TSPEAR: variants seen among roughly 807,000 people sequenced by gnomAD.
TSPEAR encodes the protein thrombospondin type laminin G domain and EAR repeats, also known as thrombospondin-type laminin G domain and EAR repeat-containing protein.
A neutral mutation model predicts 71.6 loss-of-function variants in TSPEAR; 69 were observed. The ratio of observed to expected loss-of-function variants is 0.96; its 90% CI spans 0.79 to 1.18. The LOEUF is 1.18. TSPEAR is among the 50% of genes most tolerant of loss of function. The pLI, the probability that TSPEAR is intolerant of heterozygous loss-of-function variation, is 0.00. For missense variants in TSPEAR, 971 were observed against 894.9 expected, an observed-to-expected ratio of 1.09 and a Z score of -1.09; for synonymous variants, 402 against 387.2, an observed-to-expected ratio of 1.04 and a Z score of -0.45.
At chr21:44,618,930 G>A (rs1411947785) in intron 1 of TSPEAR, among the ~76,000 whole-genome samples, 2 of 152,208 alleles carry the variant, frequency 1.3e-5, no homozygotes, top group Non-Finnish European at 2.9e-5. Context: ...CATGCTTTGA[G>A]GAATAAGGGA....
chr21:44,513,654 G>T (rs974202811), intron 9 of TSPEAR, among the ~76,000 whole-genome samples: 1 of 152,212 alleles, frequency 6.6e-6, no homozygotes, highest in Non-Finnish European at 1.5e-5. Context: ...CAGCTCCCTC[G>T]AGGGCGGGTG....
intron 7 of TSPEAR, among the ~76,000 whole-genome samples, chr21:44,526,990 C>T (rs938289529): frequency 5.3e-5 from 8 of 152,224 alleles, no homozygotes; most frequent in Admixed American, 2.0e-4. Context: ...TCTTGACCAG[C>T]TCATGTAAAC....
intron 3 of TSPEAR, 71 bp from the exon 4 acceptor site, chr21:44,531,204 G>T: frequency 8.0e-7 from 1 of 1,252,020 alleles, no homozygotes; most frequent in South Asian, 1.3e-5. Flanking sequence ...AGAAGGAACA[G>T]GAACAAGCCC....
intron 2 of TSPEAR, among the ~76,000 whole-genome samples, chr21:44,555,563 G>A (rs1442611313): frequency 6.6e-6 from 1 of 152,210 alleles, no homozygotes; most frequent in Non-Finnish European, 1.5e-5. Flanking sequence ...GCTGGCCAAG[G>A]GCTGTGGGAG....
intron 9 of TSPEAR, 95 bp downstream of exon 9, chr21:44,521,788 G>A (rs1162371576): frequency 1.8e-5 from 22 of 1,231,348 alleles, no homozygotes; most frequent in East Asian, 4.8e-5. Context: ...TTTGGCTCTC[G>A]GTGGACCCCC....
intron 2 of TSPEAR, among the ~76,000 whole-genome samples, chr21:44,540,773 A>G (rs2053207161): frequency 6.6e-6 from 1 of 152,218 alleles, no homozygotes; most frequent in African/African-American, 2.4e-5. Flanking sequence ...GGAGCAAGGA[A>G]GGAGAGGCCA....
chr21:44,506,414 G>T lies in TSPEAR; in HGVS notation c.1755-1533C>A, dbSNP rs1388182164. 3.9e-5 allele frequency among the ~76,000 whole-genome samples: 6 copies of T among 152,276 alleles called. No individual in the cohort carries two copies. Among genetic ancestry groups the T allele is most frequent in the Non-Finnish European group, 8.8e-5 (6 of 68,042 alleles). ...TTCAGCAGCCTCAGGGCTGTGGCCAGTTCAGGCAGCAGAGGGGCCTCATCC... is the reference window on the plus strand; with the variant it reads ...TTCAGCAGCCTCAGGGCTGTGGCCATTTCAGGCAGCAGAGGGGCCTCATCC... On this transcript the variant is annotated intron_variant, in intron 10 of 11. Transcript: ENST00000323084. The surrounding 1 kb of genome is among the most constrained non-coding windows in gnomAD (Gnocchi z 4.2).
rs1294778409 is a variant in TSPEAR at position 44,599,168 on chromosome 21, C to CAA, written c.83-31164_83-31163insTT. Among the ~76,000 whole-genome samples, 689 of 138,126 alleles carry CAA rather than the reference C, an allele frequency of 5.0e-3. 9 individuals are homozygous for CAA. The highest frequency in any genetic ancestry group is 0.025 in the East Asian group (119 of 4,674). The allele number at this position is 138,126 out of a possible 152,430, so 90.6% of individuals were successfully genotyped here. A position where few individuals can be genotyped will look rare whatever the true frequency, so the allele number is the denominator to read the frequency against. Reference sequence around the variant, plus strand: ...TCTCTCTCTCTCTCTCTCTCTCTCTCTCTCCTTCCATCCCATAGGACCAGA... The same window carrying CAA: ...TCTCTCTCTCTCTCTCTCTCTCTCTCAATCTCCTTCCATCCCATAGGACCAGA... On this transcript the variant is annotated intron_variant, in intron 1 of 11. Transcript: ENST00000323084.
chr21:44,707,418 A>G (rs1276033666), intron 1 of TSPEAR, among the ~76,000 whole-genome samples: 2 of 152,204 alleles, frequency 1.3e-5, no homozygotes, highest in Non-Finnish European at 2.9e-5. Context: ...AGGGGCGTTC[A>G]GATGGGAACC....
intron 1 of TSPEAR, among the ~76,000 whole-genome samples, chr21:44,681,263 C>G (rs1331856364): frequency 6.6e-6 from 1 of 152,262 alleles, no homozygotes; most frequent in Non-Finnish European, 1.5e-5. Context: ...AAAGCCCGAT[C>G]CTCAGTGCTC....
rs146257403 is a variant in TSPEAR, at chr21:44,533,863, G to A, written c.364C>T (p.Arg122Trp). Residue 122 changes from arginine (R) to tryptophan (W), a missense_variant, in exon 3 of 12, where the codon CGG (arginine) becomes TGG (tryptophan). Transcript: ENST00000323084. ...AAGTGCAGCTGGGCAGGTGACAACC[G>A]CAGGCCGAGCAGCAGCAGGTCGCTC... ...EESDLLLLGL[R>W]LSPAQLHFLF... The A allele has an allele frequency of 1.1e-4, 185 of 1,612,382 alleles. 1 individual carries two copies. In the African/African-American group the frequency reaches 1.8e-3, roughly 16 times the overall value.
rs1487484066 is a variant in TSPEAR, at chr21:44,697,987, A to G, written c.82+13446T>C. 3.2e-6 allele frequency: 5 copies of G among 1,577,306 alleles called. No homozygotes were observed. The Admixed American group carries it at 8.7e-5, about 27-fold the overall frequency. On this transcript the variant is annotated intron_variant, in intron 1 of 11. Transcript: ENST00000323084. The stretch of plus-strand genomic sequence containing the variant: ...CCAGCTGCTGCCAGGCATGTCCCCC[A>G]GGGCCACTGGGCACTATGAGTCCCC...
At position 44,711,422 on chromosome 21, in the gene TSPEAR, CCCTGCCTTA is replaced by C. The variant is rs1193643554; in HGVS notation, c.82+2_82+10del. On this transcript the variant is annotated splice_donor_variant and splice_donor_5th_base_variant and intron_variant, in intron 1 of 11. Transcript: ENST00000323084. LOFTEE classifies it high-confidence loss of function. The surrounding 1 kb of genome is among the most constrained non-coding windows in gnomAD (Gnocchi z 4.5). ...GATACCCCCGCCCGAGTTCCCATGC[CCCTGCCTTA>C]CCTGTGCAGGGCTCCCAACCCTGCG... is the stretch of plus-strand genomic sequence containing the variant. 2.5e-6 allele frequency: 4 copies of C among 1,587,900 alleles called. No homozygotes were observed. The Admixed American group carries it at 7.2e-5, about 28-fold the overall frequency.
chr21:44,682,801 A>C (rs1293357327), intron 1 of TSPEAR, among the ~76,000 whole-genome samples: 10 of 152,224 alleles, frequency 6.6e-5, no homozygotes, highest in Admixed American at 5.9e-4. Flanking sequence ...AGCAGAATAC[A>C]GTGACCCAAC....
chr21:44,512,709 G>C (rs2052426875), intron 9 of TSPEAR, among the ~76,000 whole-genome samples: 2 of 152,116 alleles, frequency 1.3e-5, no homozygotes, highest in African/African-American at 4.8e-5. Flanking sequence ...GTGGCAGGGA[G>C]CAAACTTTGA....
intron 1 of TSPEAR, among the ~76,000 whole-genome samples, chr21:44,608,173 G>A (rs1308064613): frequency 1.3e-5 from 2 of 152,102 alleles, no homozygotes; most frequent in South Asian, 2.1e-4. Flanking sequence ...TCATGAAAAG[G>A]TAACTTTAAA....
At chr21:44,673,737 A>T (rs1489014632) in intron 1 of TSPEAR, among the ~76,000 whole-genome samples, 1 of 152,226 alleles carries the variant, frequency 6.6e-6, no homozygotes, top group Non-Finnish European at 1.5e-5. Flanking sequence ...AACTAACTTT[A>T]AAAAATCAAA....
intron 11 of TSPEAR, among the ~76,000 whole-genome samples, chr21:44,502,406 T>A (rs1434966466): frequency 6.6e-6 from 1 of 152,218 alleles, no homozygotes; most frequent in Non-Finnish European, 1.5e-5. Flanking sequence ...AGAATCTTTT[T>A]AAGAAAAGCT....
chr21:44,533,713 T>C lies in TSPEAR; in HGVS notation c.514A>G (p.Thr172Ala). ...TCCACCGGGAGGCCGCAGTCCGTGGTGAGGGAGAAGACGCCTGCGGACACA... is the reference window on the plus strand; with the variant it reads ...TCCACCGGGAGGCCGCAGTCCGTGGCGAGGGAGAAGACGCCTGCGGACACA... ...LAVSAGVFSL[T>A]TDCGLPVDIM... Residue 172 changes from threonine (T) to alanine (A), a missense_variant, in exon 3 of 12, where the codon ACC (threonine) becomes GCC (alanine). Coordinates refer to ENST00000323084, the MANE Select transcript of TSPEAR (RefSeq NM_144991.3). 6.2e-7 allele frequency: 1 copy of C among 1,610,610 alleles called. No homozygotes were observed. The highest frequency in any genetic ancestry group is 8.5e-7 in the Non-Finnish European group (1 of 1,178,822).
Sources: gnomAD v4.1 joint callset for allele counts (sites outside exome capture counted in the v4.1 genomes callset) on GRCh38, gnomAD v4.1.1 for gene constraint, Gnocchi (gnomAD v3.1) non-coding constraint, MANE v1.5 for transcripts, NCBI Gene and HGNC (gene_info 2026-07-23, HGNC 2026-07-21) for gene names.